Variants in KIAA1217 observed in about 807,000 individuals in gnomAD.
KIAA1217 encodes KIAA1217.
In KIAA1217, 88 loss-of-function variants were observed where a neutral mutation model predicts 163.9. The ratio of observed to expected loss-of-function variants is 0.54; its 90% CI spans 0.45 to 0.64. KIAA1217 has a LOEUF of 0.64. KIAA1217 is among the 30% of genes least tolerant of loss of function. The pLI is 0.00. For missense variants in KIAA1217, 2,372 were observed against 2,475.0 expected (o/e 0.96, Z 0.88); for synonymous variants, 903 against 923.1 (o/e 0.98, Z 0.39).
At chr10:23,710,433 G>T (rs974000203) in intron 1 of KIAA1217, among the ~76,000 whole-genome samples, 1 of 152,188 alleles carries the variant, frequency 6.6e-6, no homozygotes, top group Non-Finnish European at 1.5e-5. Flanking sequence ...AGTTATGAAG[G>T]TCTTGAAGAT....
At chr10:24,484,241 A>ATATATATATATATATTT (rs1376083298) in intron 6 of KIAA1217, among the ~76,000 whole-genome samples, 2 of 75,134 alleles carry the variant, frequency 2.7e-5, no homozygotes, top group Non-Finnish European at 5.0e-5. Context: ...ATATATATAT[A>ATATATATATATATATTT]TTTTTTTTTT....
intron 1 of KIAA1217, among the ~76,000 whole-genome samples, chr10:23,847,781 C>G: frequency 6.6e-6 from 1 of 152,058 alleles, no homozygotes; most frequent in East Asian, 1.9e-4. Flanking sequence ...TTTGCTCTTG[C>G]TTCTCTAGTT....
intron 3 of KIAA1217, among the ~76,000 whole-genome samples, chr10:24,420,921 T>C (rs1591789587): frequency 6.6e-6 from 1 of 152,338 alleles, no homozygotes; most frequent in East Asian, 1.9e-4. Context: ...ATAGTGCTGA[T>C]ACCTGGTGGA....
At chr10:23,908,898 G>T (rs1036665987) in intron 1 of KIAA1217, among the ~76,000 whole-genome samples, 3 of 152,034 alleles carry the variant, frequency 2.0e-5, no homozygotes, top group African/African-American at 7.2e-5. Flanking sequence ...TGTATACCTT[G>T]AGGAAAAGAA....
rs1185235674 is a variant in KIAA1217, at chr10:24,494,572, G to T, written c.1752G>T (p.Gly584=). ...TGLVQSALFK[G]PITSYSKDAS... is the part of the protein sequence containing the mutation. Reference sequence around the variant, plus strand: ...TTGTTCAGTCTGCGCTTTTTAAAGGGCCCATTACAAGTTATAGCAAAGATG... The same window carrying T: ...TTGTTCAGTCTGCGCTTTTTAAAGGTCCCATTACAAGTTATAGCAAAGATG... The change falls in exon 7 of 21, where the codon GGG becomes GGT. Residue 584 remains glycine, a synonymous_variant. Coordinates refer to ENST00000376454, the MANE Select transcript of KIAA1217 (RefSeq NM_019590.5). The T allele has an allele frequency of 6.2e-7, 1 of 1,613,630 alleles. No individual in the cohort carries two copies. The highest frequency in any genetic ancestry group is 8.5e-7 in the Non-Finnish European group (1 of 1,179,748).
chr10:23,946,170 G>A (rs919756527), intron 1 of KIAA1217, among the ~76,000 whole-genome samples: 6 of 151,492 alleles, frequency 4.0e-5, no homozygotes, highest in Admixed American at 6.6e-5. Flanking sequence ...TTTATGAAAC[G>A]TGGCTCACTT....
intron 1 of KIAA1217, among the ~76,000 whole-genome samples, chr10:23,790,711 A>ATATGTATGTATG (rs10594361): frequency 7.1e-6 from 1 of 140,364 alleles, no homozygotes; most frequent in Non-Finnish European, 1.5e-5. Context: ...ACACATATAT[A>ATATGTATGTATG]TATGTATGTA....
At chr10:24,186,339 TC>T (rs1450002161) in intron 2 of KIAA1217, among the ~76,000 whole-genome samples, 1 of 152,126 alleles carries the variant, frequency 6.6e-6, no homozygotes, top group African/African-American at 2.4e-5. Flanking sequence ...AATTCTTGAG[TC>T]ATACTTTACA....
intron 1 of KIAA1217, among the ~76,000 whole-genome samples, chr10:23,729,311 C>T (rs1418190343): frequency 6.6e-6 from 1 of 152,078 alleles, no homozygotes; most frequent in Non-Finnish European, 1.5e-5. Flanking sequence ...TTGGTAAATA[C>T]TAAGGGGCAT....
At position 24,473,927 on chromosome 10, in the gene KIAA1217, G is replaced by A. The variant is rs2063764808; in HGVS notation, c.1546G>A (p.Gly516Ser). ...CCGCCAGGCCTTTAAAAAGGAGCCA[G>A]GCACCTTGGTGTATATAGAAAAGCC... ...PSRQAFKKEP[G>S]TLVYIEKPRS... The change falls in exon 6 of 21, where the codon GGC (glycine) becomes AGC (serine). Residue 516 changes from glycine (G) to serine (S), a missense_variant. Gly to Ser is a moderately conservative substitution (Grantham distance 56). Around this residue, in one of 3 missense-constraint regions of KIAA1217, gnomAD observed 1,431 missense variants for 1,470.3 expected, o/e 0.97. Coordinates refer to ENST00000376454, the MANE Select transcript of KIAA1217 (RefSeq NM_019590.5). 2 of 1,614,170 alleles carry A rather than the reference G, an allele frequency of 1.2e-6. No individual in the cohort carries two copies. Among genetic ancestry groups the A allele is most frequent in the East Asian group, 2.2e-5 (1 of 44,866 alleles).
At chr10:24,440,984 C>G (rs1357516436) in intron 5 of KIAA1217, among the ~76,000 whole-genome samples, 1 of 152,188 alleles carries the variant, frequency 6.6e-6, no homozygotes, top group Non-Finnish European at 1.5e-5. Flanking sequence ...AATGTGGCTG[C>G]ATTGCCATTA....
chr10:24,432,878 T>A lies in KIAA1217; in HGVS notation c.554-117T>A. The stretch of plus-strand genomic sequence containing the variant: ...TTCCAAACCTAGATCTCTTGTTACA[T>A]GCTTGCCAAGCTTGTCCTGAACGTT... On this transcript the variant is annotated intron_variant, in intron 3 of 20. Transcript: ENST00000376454. The A allele has an allele frequency of 6.9e-6, 5 of 721,730 alleles. No individual in the cohort carries two copies. In the East Asian group the frequency reaches 1.3e-4, roughly 19 times the overall value. The allele number at this position is 721,730 out of a possible 1,614,324, so 44.7% of individuals were successfully genotyped here.
chr10:24,436,559 C>A (rs531631094), intron 4 of KIAA1217, among the ~76,000 whole-genome samples: 47 of 151,300 alleles, frequency 3.1e-4, no homozygotes, highest in Non-Finnish European at 5.0e-4. Context: ...GAGATCGAGA[C>A]CATCCTGGTT....
chr10:23,795,944 T>C (rs1452928479), intron 1 of KIAA1217, among the ~76,000 whole-genome samples: 1 of 152,222 alleles, frequency 6.6e-6, no homozygotes, highest in African/African-American at 2.4e-5. Context: ...TCTTGTTTGC[T>C]TTATCAAATT....
chr10:24,029,086 A>T (rs1848086249), intron 2 of KIAA1217, among the ~76,000 whole-genome samples: 1 of 152,128 alleles, frequency 6.6e-6, no homozygotes, highest in Non-Finnish European at 1.5e-5. Flanking sequence ...TATACTTCAC[A>T]GTTTTCCTAG....
intron 2 of KIAA1217, among the ~76,000 whole-genome samples, chr10:24,052,851 G>A (rs1042908478): frequency 4.0e-5 from 6 of 151,882 alleles, no homozygotes; most frequent in African/African-American, 1.5e-4. Context: ...AAATTATCAC[G>A]AGCCTCTCTA....
intron 3 of KIAA1217, among the ~76,000 whole-genome samples, chr10:24,389,066 A>G (rs2054457947): frequency 6.6e-6 from 1 of 152,136 alleles, no homozygotes; most frequent in African/African-American, 2.4e-5. Context: ...CATATATCCA[A>G]AGGATTATAA....
rs190614018 is a variant in KIAA1217 at position 24,093,555 on chromosome 10, C to T, written c.-171+86181C>T. On this transcript the variant is annotated intron_variant, in intron 2 of 18. Transcript: ENST00000376462. ...CTAGACTGCTGCCATCCTCTCACCT[C>T]GGCCTCCCAAAGTGCTGGGATTACA... is the stretch of plus-strand genomic sequence containing the variant. Among the ~76,000 whole-genome samples the T allele has an allele frequency of 1.1e-3, 170 of 151,800 alleles. 3 individuals carry two copies. Among genetic ancestry groups the T allele is most frequent in the African/African-American group, 3.6e-3 (150 of 41,150 alleles).
At chr10:23,722,895 C>T (rs1182474069) in intron 1 of KIAA1217, among the ~76,000 whole-genome samples, 4 of 152,162 alleles carry the variant, frequency 2.6e-5, no homozygotes, top group Non-Finnish European at 4.4e-5. Context: ...CTTCAGGTCT[C>T]GAACCCTGGG....
Sources: allele counts gnomAD v4.1 joint callset (sites outside exome capture counted in the v4.1 genomes callset), GRCh38; gene constraint gnomAD v4.1.1; regional missense constraint gnomAD v4.1.1; transcripts MANE v1.5; gene names NCBI Gene and HGNC (gene_info 2026-07-23, HGNC 2026-07-21).